ABCG5: variants seen among roughly 807,000 people sequenced by gnomAD.
The protein encoded by ABCG5 is ATP binding cassette subfamily G member 5.
A neutral mutation model predicts 64.5 loss-of-function variants in ABCG5; 64 were observed. The ratio of observed to expected loss-of-function variants is 0.99; its 90% CI spans 0.81 to 1.22. The LOEUF is 1.22. Ranked by LOEUF, ABCG5 falls within the 50% of genes most tolerant of loss-of-function variation. The pLI, the probability that ABCG5 is intolerant of heterozygous loss-of-function variation, is 0.00. For missense variants in ABCG5, 908 were observed against 829.5 expected (o/e 1.09, Z -1.16); for synonymous variants, 385 against 326.3 (o/e 1.18, Z -1.94).
At chr2:43,807,176 C>T in the ABCG5 span, among the ~76,000 whole-genome samples, 1 of 151,634 alleles carries the variant, frequency 6.6e-6, no homozygotes, top group African/African-American at 2.4e-5. Context: ...AAGTTGTTTC[C>T]AATTGTGTGC....
intron 2 of ABCG5, among the ~76,000 whole-genome samples, chr2:43,834,310 C>T (rs77779857): frequency 5.3e-5 from 8 of 152,272 alleles, no homozygotes; most frequent in South Asian, 4.2e-4. Flanking sequence ...AGCCTGGGTC[C>T]CAGCCCCACC....
Position 43,837,910 on chromosome 2 carries a change from C to A in ABCG5, c.189G>T (p.Gln63His). 1 of 1,614,148 alleles carries A rather than the reference C, an allele frequency of 6.2e-7. No homozygotes were observed. Among genetic ancestry groups the A allele is most frequent in the Non-Finnish European group, 8.5e-7 (1 of 1,180,010 alleles). Residue 63 changes from glutamine to histidine, a missense_variant, in exon 2 of 13, where the codon CAG (glutamine) becomes CAT (histidine). Transcript: ENST00000405322. Reference sequence around the variant, plus strand: ...CATCTTTGAGGATCTGCCTGGTCCACTGCTGCCGGCAAGATGTGATGTCCC... The same window carrying A: ...CATCTTTGAGGATCTGCCTGGTCCAATGCTGCCGGCAAGATGTGATGTCCC... The part of the protein sequence containing the change: ...PWWDITSCRQ[Q>H]WTRQILKDVS...
At chr2:43,811,777 G>A (rs866596510), downstream of ABCG5, among the ~76,000 whole-genome samples, 12 of 151,962 alleles carry the variant, frequency 7.9e-5, no homozygotes, top group East Asian at 1.9e-4. Flanking sequence ...GTATTTTTTA[G>A]TAGAGACGGG....
chr2:43,813,693 TG>T (rs1184198336), intron 12 of ABCG5, among the ~76,000 whole-genome samples: 32 of 139,720 alleles, frequency 2.3e-4, no homozygotes, highest in African/African-American at 3.9e-4. Context: ...TTGTTTTTTT[TG>T]GGGTTTTTTT....
intron 11 of ABCG5, among the ~76,000 whole-genome samples, chr2:43,817,889 G>A (rs564377840): frequency 6.6e-6 from 1 of 152,104 alleles, no homozygotes; most frequent in Non-Finnish European, 1.5e-5. Flanking sequence ...CAGCCTGGGT[G>A]ACAGAGCGCG....
At chr2:43,810,950 C>T (rs1257229288), downstream of ABCG5, among the ~76,000 whole-genome samples, 2 of 152,174 alleles carry the variant, frequency 1.3e-5, no homozygotes, top group Non-Finnish European at 2.9e-5. Flanking sequence ...TGACTTGAGA[C>T]ACAAACTGTC....
chr2:43,807,743 CAAAAAAAAAAAAAA>C (rs536977133), downstream of ABCG5, among the ~76,000 whole-genome samples: 20 of 41,632 alleles, frequency 4.8e-4, 1 homozygote, highest in South Asian at 1.6e-3. Flanking sequence ...TTTGTTAAAG[CAAAAAAAAAAAAAA>C]AAAAAAAAAA....
chr2:43,820,682 T>G (rs920669104), intron 10 of ABCG5, among the ~76,000 whole-genome samples: 4 of 152,178 alleles, frequency 2.6e-5, no homozygotes, highest in Non-Finnish European at 4.4e-5. Flanking sequence ...GAGACGGAGT[T>G]GCACTCTGTT....
chr2:43,839,123 G>C, upstream of ABCG5: 2 of 1,551,146 alleles, frequency 1.3e-6, no homozygotes, highest in Non-Finnish European at 1.7e-6. Flanking sequence ...CTCGGTGAGT[G>C]AGCAATGGGA....
intron 6 of ABCG5, among the ~76,000 whole-genome samples, chr2:43,825,520 A>G (rs971108406): frequency 5.9e-5 from 9 of 152,234 alleles, no homozygotes; most frequent in African/African-American, 1.4e-4. Flanking sequence ...CAGCCTTTGA[A>G]GCCAACTTGG....
chr2:43,809,867 T>C, downstream of ABCG5: 1 of 1,456,644 alleles, frequency 6.9e-7, no homozygotes, highest in Non-Finnish European at 9.0e-7. Flanking sequence ...AAAGTTAAAC[T>C]GTATAATTTG....
chr2:43,807,984 C>G (rs59513006), downstream of ABCG5, among the ~76,000 whole-genome samples: 27,397 of 151,862 alleles, frequency 0.18, 2,636 homozygotes, highest in Middle Eastern at 0.32. Flanking sequence ...CCCTAGTTTT[C>G]TCACAGTCTG....
chr2:43,812,938 A>C lies in ABCG5; in HGVS notation c.*178T>G. 1 of 616,972 alleles carries C rather than the reference A, an allele frequency of 1.6e-6. No homozygotes were observed. Among genetic ancestry groups the C allele is most frequent in the South Asian group, 1.9e-5 (1 of 51,944 alleles). 38.2% of individuals were successfully genotyped at this position (616,972 alleles called of 1,614,324 possible). A position where few individuals can be genotyped will look rare whatever the true frequency, so the allele number is the denominator to read the frequency against. ...AAGTTGTAAGAGCAAGGGACTATAA[A>C]CCACTTCCATTGCATTCAAGGCCTG... On this transcript the variant is annotated 3_prime_UTR_variant, in exon 13 of 13. Coordinates refer to ENST00000405322, the MANE Select transcript of ABCG5 (RefSeq NM_022436.3).
In ABCG5 at chr2:43,838,597, G is replaced by A; in HGVS notation, c.83C>T (p.Ala28Val). The A allele has an allele frequency of 6.2e-7, 1 of 1,611,588 alleles. No homozygotes were observed. Among genetic ancestry groups the A allele is most frequent in the East Asian group, 2.2e-5 (1 of 44,826 alleles). The change falls in exon 1 of 13, where the codon GCT (alanine) becomes GTT (valine). Residue 28 changes from alanine to valine, a missense_variant. Ala to Val is a moderately conservative substitution (Grantham distance 64, BLOSUM62 0). Coordinates refer to ENST00000405322, the MANE Select transcript of ABCG5 (RefSeq NM_022436.3). The surrounding 1 kb of genome is among the most constrained non-coding windows in gnomAD (Gnocchi z 4.2). ...NRGSQSSLEG[A>V]PATAPEPHSL... ...GTGAGGCTCCGGGGCGGTGGCAGGAGCCCCCTCCAGGGAGCTCTGGGAGCC... is the reference window on the plus strand; with the variant it reads ...GTGAGGCTCCGGGGCGGTGGCAGGAACCCCCTCCAGGGAGCTCTGGGAGCC...
chr2:43,815,396 A>C (rs900492078), intron 11 of ABCG5, among the ~76,000 whole-genome samples: 1 of 152,218 alleles, frequency 6.6e-6, no homozygotes, highest in South Asian at 2.1e-4. Context: ...GAGATATAGA[A>C]TATATCCTTA....
downstream of ABCG5, chr2:43,810,075 ATAAAAG>A: frequency 1.6e-6 from 1 of 635,650 alleles, no homozygotes; most frequent in Non-Finnish European, 2.0e-6. Context: ...TTTTAGGAAT[ATAAAAG>A]TAAGAGTATT....
At chr2:43,839,158 G>A (rs371514282), upstream of ABCG5, 148 of 1,545,808 alleles carry the variant, frequency 9.6e-5, 3 homozygotes, top group South Asian at 1.6e-3. Flanking sequence ...TGGTGGGCGG[G>A]TAGGAGAAAT....
upstream of ABCG5, chr2:43,838,957 G>A (rs1668454532): frequency 1.5e-6 from 2 of 1,376,182 alleles, no homozygotes; most frequent in South Asian, 2.5e-5. This position sits in a 1 kb window ranked among gnomAD's most constrained non-coding sequence, Gnocchi z 4.2. Flanking sequence ...AGGCCGAGGT[G>A]TCCCTGCTCC....
At position 43,812,912 on chromosome 2, in the gene ABCG5, C is replaced by G; in HGVS notation, c.*204G>C. 1.7e-6 allele frequency: 1 copy of G among 577,248 alleles called. No homozygotes were observed. Among genetic ancestry groups the G allele is most frequent in the Non-Finnish European group, 3.1e-6 (1 of 322,860 alleles). The allele number at this position is 577,248 out of a possible 1,614,324, so 35.8% of individuals were successfully genotyped here. On this transcript the variant is annotated 3_prime_UTR_variant, in exon 13 of 13. Coordinates refer to ENST00000405322, the MANE Select transcript of ABCG5 (RefSeq NM_022436.3). ...ATTTCCAAATAACCACATGTCCCTG[C>G]AAGTTGTAAGAGCAAGGGACTATAA...
Sources: allele counts gnomAD v4.1 joint callset (sites outside exome capture counted in the v4.1 genomes callset), GRCh38; gene constraint gnomAD v4.1.1; non-coding constraint Gnocchi (gnomAD v3.1); transcripts MANE v1.5; gene names NCBI Gene and HGNC (gene_info 2026-07-23, HGNC 2026-07-21).